PLPP1: variants seen among roughly 807,000 people sequenced by gnomAD.
The protein encoded by PLPP1 is phospholipid phosphatase 1.
PLPP1 carries 24 observed loss-of-function variants against 31.2 expected under a neutral mutation model. The ratio of observed to expected loss-of-function variants is 0.77; its 90% CI spans 0.56 to 1.08. PLPP1 has a LOEUF of 1.08. PLPP1 is among the 50% of genes least tolerant of loss of function. The pLI, the probability that PLPP1 is intolerant of heterozygous loss-of-function variation, is 0.00. For synonymous variants in PLPP1, 146 were observed against 126.3 expected, an observed-to-expected ratio of 1.16 and a Z score of -1.05; for missense variants, 319 against 342.7, an observed-to-expected ratio of 0.93 and a Z score of 0.55.
At chr5:55,511,690 G>C (rs1753415970) in intron 1 of PLPP1, among the ~76,000 whole-genome samples, 1 of 108,630 alleles carries the variant, frequency 9.2e-6, no homozygotes. Flanking sequence ...TTGAGATGGA[G>C]TCTAGCTGTG....
chr5:55,493,488 A>C (rs1464581026), intron 1 of PLPP1, among the ~76,000 whole-genome samples: 2 of 152,008 alleles, frequency 1.3e-5, no homozygotes, highest in Non-Finnish European at 2.9e-5. Flanking sequence ...AACACCTGTA[A>C]TCCCAGTAAC....
chr5:55,516,173 C>T (rs1753551583), intron 1 of PLPP1, among the ~76,000 whole-genome samples: 2 of 152,210 alleles, frequency 1.3e-5, no homozygotes, highest in Non-Finnish European at 2.9e-5. Flanking sequence ...GTATCCTTTA[C>T]TTCCCAAATA....
intron 1 of PLPP1, among the ~76,000 whole-genome samples, chr5:55,499,938 T>C (rs928014172): frequency 2.6e-5 from 4 of 151,990 alleles, no homozygotes; most frequent in African/African-American, 9.6e-5. Flanking sequence ...ATAAGAGATA[T>C]ATTTATATTT....
chr5:55,435,886 C>T (rs551003557), intron 4 of PLPP1, among the ~76,000 whole-genome samples: 4 of 151,908 alleles, frequency 2.6e-5, no homozygotes, highest in Admixed American at 1.3e-4. Context: ...CTACAGTGTG[C>T]GCCTGTAGTC....
intron 3 of PLPP1, among the ~76,000 whole-genome samples, chr5:55,457,400 C>T (rs1371980554): frequency 6.6e-6 from 1 of 152,068 alleles, no homozygotes; most frequent in South Asian, 2.1e-4. Flanking sequence ...AATTTATATA[C>T]ACCAGGAAGA....
chr5:55,442,481 A>G (rs1012693125), intron 3 of PLPP1, among the ~76,000 whole-genome samples: 13 of 151,994 alleles, frequency 8.6e-5, no homozygotes, highest in South Asian at 4.2e-4. Flanking sequence ...GTGAAACCCC[A>G]TCTCTACTAA....
chr5:55,505,112 C>A (rs1002294194), intron 1 of PLPP1, among the ~76,000 whole-genome samples: 2 of 151,960 alleles, frequency 1.3e-5, no homozygotes, highest in Non-Finnish European at 2.9e-5. Flanking sequence ...TCTCTAAATT[C>A]TAGAGAAAGA....
chr5:55,501,371 A>G (rs1013106910), intron 1 of PLPP1, among the ~76,000 whole-genome samples: 2 of 152,174 alleles, frequency 1.3e-5, no homozygotes, highest in African/African-American at 4.8e-5. Flanking sequence ...ACTAACGTAT[A>G]GCCTTTATGC....
chr5:55,489,599 C>T lies in PLPP1; in HGVS notation c.59-14149G>A, dbSNP rs866282576. Among the ~76,000 whole-genome samples the T allele has an allele frequency of 4.6e-5, 7 of 151,990 alleles. No homozygotes were observed. The South Asian group carries it at 6.2e-4, about 14-fold the overall frequency. ...TTAGAACATAATAAAATCCTGGACCCCTTCACCTTCAAAATACTGAGCTGC... is the reference window on the plus strand; with the variant it reads ...TTAGAACATAATAAAATCCTGGACCTCTTCACCTTCAAAATACTGAGCTGC... On this transcript the variant is annotated intron_variant, in intron 1 of 5. Coordinates refer to ENST00000307259, the MANE Select transcript of PLPP1 (RefSeq NM_003711.4).
intron 2 of PLPP1, among the ~76,000 whole-genome samples, chr5:55,469,467 G>A (rs1402510783): frequency 1.3e-5 from 2 of 151,066 alleles, no homozygotes; most frequent in Non-Finnish European, 2.9e-5. Flanking sequence ...TCCAGCCTGG[G>A]TGCGACACAG....
rs184579143 is a variant in PLPP1, at chr5:55,513,771, T to A, written c.58+20801A>T. ...TGAGACCAGGACTCGACAAAAATTT[T>A]AAAAATTAGCCAAGCATGGCAGTGC... On this transcript the variant is annotated intron_variant, in intron 1 of 5. Transcript: ENST00000307259. Among the ~76,000 whole-genome samples the A allele has an allele frequency of 3.0e-3, 456 of 152,192 alleles. 1 individual carries two copies. The highest frequency in any genetic ancestry group is 0.011 in the African/African-American group (443 of 41,542).
intron 1 of PLPP1, among the ~76,000 whole-genome samples, chr5:55,509,544 A>G (rs1206598775): frequency 1.3e-5 from 2 of 152,176 alleles, no homozygotes; most frequent in African/African-American, 4.8e-5. Context: ...GGGATATAGG[A>G]TATAAGTGAC....
At chr5:55,489,576 A>T (rs891912783) in intron 1 of PLPP1, among the ~76,000 whole-genome samples, 2 of 152,236 alleles carry the variant, frequency 1.3e-5, no homozygotes, top group Non-Finnish European at 2.9e-5. Flanking sequence ...TATACCTCTT[A>T]GAACATAATA....
At chr5:55,450,856 GAAC>G (rs1197430476) in intron 3 of PLPP1, among the ~76,000 whole-genome samples, 1 of 152,058 alleles carries the variant, frequency 6.6e-6, no homozygotes, top group Non-Finnish European at 1.5e-5. Flanking sequence ...TAAAAACACT[GAAC>G]AAGAAGACTC....
intron 1 of PLPP1, among the ~76,000 whole-genome samples, chr5:55,506,394 T>C (rs147457522): frequency 6.6e-6 from 1 of 152,242 alleles, no homozygotes; most frequent in Non-Finnish European, 1.5e-5. Flanking sequence ...ATTACACAGT[T>C]GGTAAGCAGG....
chr5:55,475,309 C>A lies in PLPP1; in HGVS notation c.200G>T (p.Ser67Ile). The change falls in exon 2 of 6, where the codon AGT becomes ATT. Residue 67 changes from serine (S) to isoleucine (I), a missense_variant. By Grantham distance (142) the Ser-to-Ile change is moderately radical (BLOSUM62 -2). Transcript: ENST00000307259. Reference protein sequence around the residue: ...ALLGGIIIPFSIIVIILGETL... With the variant: ...ALLGGIIIPFIIIVIILGETL... ...GTGGATTTAACTTACAACGATAATA[C>A]TGAATGGAATGATTATTCCACCTAA... The A allele has an allele frequency of 6.2e-7, 1 of 1,607,890 alleles. No individual in the cohort carries two copies. Among genetic ancestry groups the A allele is most frequent in the Non-Finnish European group, 8.5e-7 (1 of 1,177,996 alleles).
chr5:55,475,550 C>T (rs1237584169), intron 1 of PLPP1, 100 bp from the exon 2 acceptor site: 2 of 1,136,002 alleles, frequency 1.8e-6, no homozygotes, highest in East Asian at 2.7e-5. Flanking sequence ...AATGCATTTG[C>T]CATGAAAATA....
intron 1 of PLPP1, 72 bp downstream of exon 1, chr5:55,534,500 C>T: frequency 1.4e-6 from 2 of 1,425,072 alleles, no homozygotes; most frequent in African/African-American, 1.5e-5. Context: ...CCCCGCTGCC[C>T]GTCGCGGCTC....
chr5:55,453,649 C>G (rs900718097), intron 3 of PLPP1, among the ~76,000 whole-genome samples: 6 of 152,040 alleles, frequency 3.9e-5, no homozygotes, highest in Admixed American at 2.0e-4. Context: ...TTTTAAAATT[C>G]AAGTCTTAGG....
Sources: gnomAD v4.1 joint callset for allele counts (sites outside exome capture counted in the v4.1 genomes callset) on GRCh38, gnomAD v4.1.1 for gene constraint, MANE v1.5 for transcripts, NCBI Gene and HGNC (gene_info 2026-07-23, HGNC 2026-07-21) for gene names.